The following DMD variants were observed in gnomAD, a reference collection of about 807,000 sequenced individuals.
The protein encoded by DMD is dystrophin.
DMD carries 63 observed loss-of-function variants against 330.1 expected under a neutral mutation model. That is an observed-to-expected ratio of 0.19 (90% CI 0.16 to 0.24). The LOEUF (loss-of-function observed/expected upper bound fraction) is 0.24. Among genes scored for constraint, DMD ranks in the 10% least tolerant of loss-of-function variants. The pLI is 1.00. For synonymous variants in DMD, 1,223 were observed against 959.8 expected (o/e 1.27, Z -5.07); for missense variants, 3,344 against 2,684.1 (o/e 1.25, Z -5.43).
intron 1 of DMD, among the ~76,000 whole-genome samples, chrX:33,312,840 T>G (rs1227884536): frequency 8.9e-6 from 1 of 111,743 alleles, no homozygotes; most frequent in Non-Finnish European, 1.9e-5. Flanking sequence ...GAAACTTACC[T>G]AAGGAACCTA....
At chrX:31,936,130 C>G (rs5927054) in intron 45 of DMD, among the ~76,000 whole-genome samples, 37,304 of 109,772 alleles carry the variant, frequency 0.34, 4,875 homozygotes, top group African/African-American at 0.48. Context: ...TAGGGGTACC[C>G]TATATTTCAC....
At chrX:31,820,164 A>C in intron 49 of DMD, 81 bp from the exon 50 acceptor site, 2 of 811,581 alleles carry the variant, frequency 2.5e-6, no homozygotes, top group Non-Finnish European at 3.7e-6. Context: ...CATTTGGTGA[A>C]TATATTATTG....
intron 1 of DMD, among the ~76,000 whole-genome samples, chrX:33,218,688 A>C (rs1387574618): frequency 4.5e-5 from 5 of 111,707 alleles, no homozygotes; most frequent in African/African-American, 1.6e-4. Context: ...TATGTGCTTG[A>C]GTACTTGTTC....
At chrX:33,009,390 A>G (rs1202711844) in intron 2 of DMD, among the ~76,000 whole-genome samples, 1 of 82,929 alleles carries the variant, frequency 1.2e-5, no homozygotes, top group Admixed American at 1.3e-4. Flanking sequence ...ACACGTGTAT[A>G]TATGTGTGTA....
intron 51 of DMD, among the ~76,000 whole-genome samples, chrX:31,733,188 C>T (rs1365339765): frequency 1.8e-5 from 2 of 111,138 alleles, no homozygotes; most frequent in African/African-American, 3.3e-5. Context: ...TCACTAAGTC[C>T]CCCCAGAGTT....
At position 31,478,262 on chromosome X, in the gene DMD, T is replaced by C. The variant is rs976735204; in HGVS notation, c.8781A>G (p.Arg2927=). Residue 2927 remains arginine, a synonymous_variant, in exon 59 of 79, where the codon AGA becomes AGG. Transcript: ENST00000357033. The part of the protein sequence containing the change: ...KLNLHSADWQ[R]KIDETLERLR... ...GTCTTTCAAGGGTCTCATCTATTTT[T>C]CTCTGCCAGTCAGCGGAGTGCAGGT... is the stretch of plus-strand genomic sequence containing the variant. 4.1e-6 allele frequency: 5 copies of C among 1,211,418 alleles called. No homozygotes were observed. The highest frequency in any genetic ancestry group is 1.8e-5 in the South Asian group (1 of 56,941).
chrX:33,140,044 T>C (rs1433816263), intron 1 of DMD, among the ~76,000 whole-genome samples: 1 of 111,355 alleles, frequency 9.0e-6, no homozygotes, highest in African/African-American at 3.3e-5. Flanking sequence ...AAGATCCTTA[T>C]ATATCACATT....
chrX:31,520,787 C>T (rs2072675411), intron 55 of DMD, among the ~76,000 whole-genome samples: 1 of 110,566 alleles, frequency 9.0e-6, no homozygotes, highest in African/African-American at 3.3e-5. Flanking sequence ...TCACGCCATT[C>T]TCCTGCCTCA....
chrX:32,624,958 G>A (rs988948177), intron 11 of DMD, among the ~76,000 whole-genome samples: 5 of 111,342 alleles, frequency 4.5e-5, no homozygotes, highest in African/African-American at 1.6e-4. Context: ...GGATCACAAG[G>A]TCAGGAGTTC....
At chrX:33,019,723 T>A (rs762022334) in intron 2 of DMD, among the ~76,000 whole-genome samples, 2 of 111,539 alleles carry the variant, frequency 1.8e-5, no homozygotes, top group Non-Finnish European at 3.8e-5. Flanking sequence ...AGTGGCTGAA[T>A]ACACCCAAAG....
At chrX:32,368,881 C>A (rs1022716326) in intron 34 of DMD, among the ~76,000 whole-genome samples, 1 of 111,294 alleles carries the variant, frequency 9.0e-6, no homozygotes, top group Non-Finnish European at 1.9e-5. Flanking sequence ...ATAACTCAGA[C>A]ACTTTAGGTT....
At chrX:31,643,701 G>A (rs960497135) in intron 54 of DMD, among the ~76,000 whole-genome samples, 2 of 111,829 alleles carry the variant, frequency 1.8e-5, no homozygotes, top group Non-Finnish European at 3.8e-5. Context: ...TGCAGTGAAA[G>A]CAAATACAGA....
chrX:31,212,460 G>A (rs759877588), intron 64 of DMD, among the ~76,000 whole-genome samples: 23 of 109,737 alleles, frequency 2.1e-4, no homozygotes, highest in African/African-American at 6.6e-4. Context: ...CGGTTGGGGG[G>A]CGGCGAGCAG....
Position 32,103,007 on chromosome X carries a change from C to T in DMD, c.6438+113909G>A, listed in dbSNP as rs149596539. ...TTTAGAGAAACTATTTTTAACCCAA[C>T]GGAGCTGCATTTAGGTTACTCCCTG... On this transcript the variant is annotated intron_variant, in intron 44 of 78. Coordinates refer to ENST00000357033, the MANE Select transcript of DMD (RefSeq NM_004006.3). 3.2e-3 allele frequency among the ~76,000 whole-genome samples: 363 copies of T among 111,805 alleles called. 1 individual carries two copies. The highest frequency in any genetic ancestry group is 6.6e-3 in the Admixed American group (69 of 10,488).
At chrX:33,066,794 C>T (rs1398836217) in intron 1 of DMD, among the ~76,000 whole-genome samples, 1 of 111,416 alleles carries the variant, frequency 9.0e-6, no homozygotes, top group East Asian at 2.8e-4. Context: ...ATATTAACAC[C>T]AACGATTATG....
chrX:33,151,455 C>A (rs1383302679), intron 1 of DMD, among the ~76,000 whole-genome samples: 1 of 112,231 alleles, frequency 8.9e-6, no homozygotes, highest in Non-Finnish European at 1.9e-5. Context: ...AATGTGTCTT[C>A]TTTTAAAAAT....
At chrX:32,239,823 C>A (rs112018634) in intron 43 of DMD, among the ~76,000 whole-genome samples, 10,846 of 111,149 alleles carry the variant, frequency 0.098, 535 homozygotes, top group Admixed American at 0.15. Flanking sequence ...TTTAAATAAC[C>A]CTTATCTTTC....
At chrX:32,311,333 T>G (rs2097561617) in intron 41 of DMD, among the ~76,000 whole-genome samples, 1 of 110,828 alleles carries the variant, frequency 9.0e-6, no homozygotes, top group Non-Finnish European at 1.9e-5. Context: ...CCATACTTAT[T>G]TTTGCAGTAA....
intron 1 of DMD, among the ~76,000 whole-genome samples, chrX:33,178,245 C>T (rs1230225099): frequency 2.7e-5 from 3 of 112,404 alleles, no homozygotes; most frequent in Admixed American, 9.4e-5. Flanking sequence ...TTTCACTCTG[C>T]TGGAGTCCTT....
Sources: gnomAD v4.1 joint callset for allele counts (sites outside exome capture counted in the v4.1 genomes callset) on GRCh38, gnomAD v4.1.1 for gene constraint, MANE v1.5 for transcripts, NCBI Gene and HGNC (gene_info 2026-07-23, HGNC 2026-07-21) for gene names.